ARHGAP28: variants seen among roughly 807,000 people sequenced by gnomAD.
ARHGAP28 encodes the protein rho GTPase-activating protein 28.
Under a neutral mutation model 90.7 loss-of-function variants are expected in ARHGAP28, and 56 were observed. The observed-to-expected ratio is 0.62, with a 90% CI of 0.50 to 0.77. The LOEUF is 0.77. ARHGAP28 is among the 30% of genes least tolerant of loss of function. ARHGAP28 has a pLI of 0.00. For missense variants in ARHGAP28, 869 were observed against 900.9 expected, an observed-to-expected ratio of 0.96 and a Z score of 0.45; for synonymous variants, 308 against 323.3, an observed-to-expected ratio of 0.95 and a Z score of 0.51.
intron 16 of ARHGAP28, 103 bp downstream of exon 16, chr18:6,896,729 A>G: frequency 7.3e-7 from 1 of 1,374,234 alleles, no homozygotes; most frequent in Non-Finnish European, 9.8e-7. Flanking sequence ...AAAATATAGA[A>G]CCTGTTGCTT....
At chr18:6,774,337 A>G (rs1187884846) in intron 1 of ARHGAP28, 1 of 152,192 alleles carries the variant, frequency 6.6e-6, no homozygotes, top group Non-Finnish European at 1.5e-5. Flanking sequence ...GATAGCTGTG[A>G]TAGCTTTTTT....
intron 1 of ARHGAP28, among the ~76,000 whole-genome samples, chr18:6,782,069 A>AAGG (rs2056328412): frequency 6.6e-6 from 1 of 152,088 alleles, no homozygotes. Flanking sequence ...TTCATCAGTC[A>AAGG]AGGCCCAAGC....
intron 1 of ARHGAP28, among the ~76,000 whole-genome samples, chr18:6,823,602 T>TA (rs1491214829): frequency 1.9e-5 from 1 of 53,442 alleles, no homozygotes; most frequent in Non-Finnish European, 3.6e-5. Flanking sequence ...TGGCTCTTAA[T>TA]TTTTTTTTTT....
intron 16 of ARHGAP28, among the ~76,000 whole-genome samples, chr18:6,899,566 CG>C (rs1316883184): frequency 6.6e-6 from 1 of 152,142 alleles, no homozygotes; most frequent in Non-Finnish European, 1.5e-5. Context: ...CCCATGGTTT[CG>C]GTGGATCCAA....
chr18:6,789,868 C>T (rs944176839), intron 1 of ARHGAP28: 2 of 151,328 alleles, frequency 1.3e-5, no homozygotes, highest in African/African-American at 4.9e-5. Context: ...CACTCTGTCG[C>T]CCAGGCTAAA....
chr18:6,756,288 C>T (rs2056109164), intron 1 of ARHGAP28, among the ~76,000 whole-genome samples: 1 of 152,158 alleles, frequency 6.6e-6, no homozygotes, highest in South Asian at 2.1e-4. Context: ...ATTTCCTGTC[C>T]TCTTTCCCTT....
intron 1 of ARHGAP28, among the ~76,000 whole-genome samples, chr18:6,734,334 T>C (rs1458804070): frequency 1.3e-5 from 2 of 152,178 alleles, no homozygotes; most frequent in East Asian, 3.8e-4. Flanking sequence ...ACAATGTTTT[T>C]TTTGTGAAGG....
chr18:6,733,924 A>G (rs1157429178), intron 1 of ARHGAP28, among the ~76,000 whole-genome samples: 5 of 152,120 alleles, frequency 3.3e-5, no homozygotes, highest in Admixed American at 3.3e-4. Context: ...TAGCACCTTT[A>G]TGTGCTTAAC....
At chr18:6,803,454 A>G (rs2056496902) in intron 1 of ARHGAP28, among the ~76,000 whole-genome samples, 1 of 152,070 alleles carries the variant, frequency 6.6e-6, no homozygotes, top group Admixed American at 6.6e-5. Flanking sequence ...GATGCATTAT[A>G]TTTTTTATAT....
chr18:6,774,434 C>A (rs1463852159), intron 1 of ARHGAP28, among the ~76,000 whole-genome samples: 1 of 152,116 alleles, frequency 6.6e-6, no homozygotes, highest in African/African-American at 2.4e-5. Flanking sequence ...TAACCTCTCA[C>A]AGCAGATTTT....
At chr18:6,798,743 G>A (rs1600194289) in intron 1 of ARHGAP28, among the ~76,000 whole-genome samples, 1 of 152,126 alleles carries the variant, frequency 6.6e-6, no homozygotes, top group South Asian at 2.1e-4. Flanking sequence ...CTGCTCAGTT[G>A]ACTAGTGCAT....
chr18:6,777,049 A>G (rs576221772), intron 1 of ARHGAP28, among the ~76,000 whole-genome samples: 2 of 152,306 alleles, frequency 1.3e-5, no homozygotes, highest in South Asian at 4.1e-4. Context: ...TAAGAGAATG[A>G]CATATAAAAT....
At chr18:6,832,719 G>T (rs1210660099) in intron 2 of ARHGAP28, among the ~76,000 whole-genome samples, 1 of 151,664 alleles carries the variant, frequency 6.6e-6, no homozygotes, top group East Asian at 1.9e-4. Flanking sequence ...AGTCATTCTG[G>T]CTTTCTTAGG....
At chr18:6,783,576 C>G (rs2056343814) in intron 1 of ARHGAP28, among the ~76,000 whole-genome samples, 1 of 152,008 alleles carries the variant, frequency 6.6e-6, no homozygotes, top group South Asian at 2.1e-4. Context: ...GCTGGGATTA[C>G]AGGCGTGAGC....
chr18:6,905,392 G>C (rs982014896), intron 16 of ARHGAP28, among the ~76,000 whole-genome samples: 3 of 151,868 alleles, frequency 2.0e-5, no homozygotes, highest in Admixed American at 2.0e-4. Context: ...AGAAAACTAG[G>C]AAAAGAGGAG....
intron 16 of ARHGAP28, among the ~76,000 whole-genome samples, chr18:6,905,253 G>T (rs1294434001): frequency 6.6e-6 from 1 of 151,830 alleles, no homozygotes; most frequent in Non-Finnish European, 1.5e-5. Context: ...GGCATGCAAG[G>T]TTGATTTAAC....
chr18:6,736,747 C>CAAAAAA (rs34584836), intron 1 of ARHGAP28, among the ~76,000 whole-genome samples: 1 of 80,286 alleles, frequency 1.2e-5, no homozygotes, highest in African/African-American at 4.9e-5. Context: ...AACTCCATTT[C>CAAAAAA]AAAAAAAAAA....
chr18:6,771,342 G>A (rs1279400849), intron 1 of ARHGAP28, among the ~76,000 whole-genome samples: 1 of 152,084 alleles, frequency 6.6e-6, no homozygotes, highest in African/African-American at 2.4e-5. Flanking sequence ...ACTGTGCCTG[G>A]CCTAAATATT....
At chr18:6,795,437 A>G (rs2056435118) in intron 1 of ARHGAP28, among the ~76,000 whole-genome samples, 1 of 152,006 alleles carries the variant, frequency 6.6e-6, no homozygotes, top group African/African-American at 2.4e-5. Context: ...GAAGGCACAC[A>G]GCTGCAGCCT....
Sources: allele counts gnomAD v4.1 joint callset (sites outside exome capture counted in the v4.1 genomes callset), GRCh38; gene constraint gnomAD v4.1.1; transcripts MANE v1.5; gene names NCBI Gene and HGNC (gene_info 2026-07-23, HGNC 2026-07-21).